Variants in MARCHF5 observed in about 807,000 individuals in gnomAD.
The protein encoded by MARCHF5 is membrane associated ring-CH-type finger 5, also known as E3 ubiquitin-protein ligase MARCHF5.
A neutral mutation model predicts 36.5 loss-of-function variants in MARCHF5; 5 were observed. The observed-to-expected ratio is 0.14, with a 90% CI of 0.07 to 0.29. The LOEUF (loss-of-function observed/expected upper bound fraction) is 0.29, where lower values mean the gene tolerates loss of function less well. Ranked by LOEUF, MARCHF5 falls within the 10% of genes least tolerant of loss-of-function variation. The pLI is 1.00. For synonymous variants in MARCHF5, 103 were observed against 109.9 expected (o/e 0.94, Z 0.39); for missense variants, 179 against 336.3 (o/e 0.53, Z 3.66).
rs576834214 is a variant in MARCHF5, at chr10:92,319,318, G to T, written c.238+7981G>T. 2.8e-5 allele frequency among the ~76,000 whole-genome samples: 4 copies of T among 143,934 alleles called. No homozygotes were observed. In the East Asian group the frequency reaches 8.1e-4, roughly 29 times the overall value. 94.4% of individuals were successfully genotyped at this position (143,934 alleles called of 152,430 possible). A position where few individuals can be genotyped will look rare whatever the true frequency, so the allele number is the denominator to read the frequency against. Reference sequence around the variant, plus strand: ...TTTACTTTTTTTTTTTTTTTGAGACGGAGTTTCGCTCTTGTCGCCCAGGCT... The same window carrying T: ...TTTACTTTTTTTTTTTTTTTGAGACTGAGTTTCGCTCTTGTCGCCCAGGCT... On this transcript the variant is annotated intron_variant, in intron 2 of 5. Transcript: ENST00000358935.
At chr10:92,327,332 A>G (rs1344994979) in intron 2 of MARCHF5, among the ~76,000 whole-genome samples, 1 of 146,606 alleles carries the variant, frequency 6.8e-6, no homozygotes, top group African/African-American at 2.6e-5. Flanking sequence ...TATTAAAAGT[A>G]GCCTGGATAA....
At chr10:92,300,309 G>C (rs1306036711) in intron 1 of MARCHF5, among the ~76,000 whole-genome samples, 5 of 151,610 alleles carry the variant, frequency 3.3e-5, no homozygotes. Flanking sequence ...GAGAAACCCT[G>C]TGTCTACTTA....
At chr10:92,331,150 G>A (rs534488389) in intron 2 of MARCHF5, among the ~76,000 whole-genome samples, 1 of 152,276 alleles carries the variant, frequency 6.6e-6, no homozygotes, top group African/African-American at 2.4e-5. Context: ...CATATATGTA[G>A]TATGTGCATA....
At chr10:92,316,975 A>T (rs1488246720) in intron 2 of MARCHF5, among the ~76,000 whole-genome samples, 1 of 152,174 alleles carries the variant, frequency 6.6e-6, no homozygotes, top group African/African-American at 2.4e-5. Context: ...TTGTTTTATA[A>T]ATAAAACCTG....
At position 92,338,000 on chromosome 10, in the gene MARCHF5, C is replaced by T. The variant is rs368010595; in HGVS notation, c.239-2673C>T. 3.4e-4 allele frequency among the ~76,000 whole-genome samples: 52 copies of T among 150,760 alleles called. No homozygotes were observed. In the East Asian group the frequency reaches 8.2e-3, roughly 24 times the overall value. The stretch of plus-strand genomic sequence containing the variant: ...ACCAGCCTGGGCAACACAGGGAGAC[C>T]CCATCTCTACAAAAAAAAAAAAAAA... On this transcript the variant is annotated intron_variant, in intron 2 of 5. Coordinates refer to ENST00000358935, the MANE Select transcript of MARCHF5 (RefSeq NM_017824.5).
intron 2 of MARCHF5, among the ~76,000 whole-genome samples, chr10:92,315,145 A>G (rs1018234992): frequency 2.6e-5 from 4 of 152,190 alleles, no homozygotes; most frequent in African/African-American, 9.7e-5. Context: ...TTCTTCTAAA[A>G]CTTTTAAAAA....
At chr10:92,341,698 C>G (rs182716885) in intron 3 of MARCHF5, among the ~76,000 whole-genome samples, 1 of 151,390 alleles carries the variant, frequency 6.6e-6, no homozygotes, top group Non-Finnish European at 1.5e-5. Context: ...AAACTTGTCA[C>G]TTCTTCCATT....
intron 1 of MARCHF5, among the ~76,000 whole-genome samples, chr10:92,296,094 C>T (rs531101209): frequency 1.4e-4 from 22 of 152,048 alleles, no homozygotes; most frequent in South Asian, 4.1e-4. Flanking sequence ...AGGCTGGTCT[C>T]GAGCTCCTGA....
At chr10:92,327,298 A>G (rs1389264772) in intron 2 of MARCHF5, among the ~76,000 whole-genome samples, 1 of 148,590 alleles carries the variant, frequency 6.7e-6, no homozygotes, top group Non-Finnish European at 1.5e-5. Context: ...TTGTATTCAT[A>G]TATGAAGAGC....
At chr10:92,305,242 C>T (rs1390434606) in intron 1 of MARCHF5, among the ~76,000 whole-genome samples, 2 of 151,950 alleles carry the variant, frequency 1.3e-5, no homozygotes, top group African/African-American at 4.8e-5. Context: ...CCCGTCTCTT[C>T]TGAAAATACA....
intron 2 of MARCHF5, among the ~76,000 whole-genome samples, chr10:92,327,644 T>A (rs910379845): frequency 6.6e-6 from 1 of 152,228 alleles, no homozygotes; most frequent in African/African-American, 2.4e-5. Context: ...TTGGAGTGCC[T>A]GCTTCCCCAT....
intron 2 of MARCHF5, among the ~76,000 whole-genome samples, chr10:92,335,279 G>A (rs755145350): frequency 1.3e-5 from 2 of 152,080 alleles, no homozygotes; most frequent in South Asian, 4.2e-4. Flanking sequence ...TACAACCCCT[G>A]GCCCCAAATC....
At chr10:92,296,206 G>A (rs550984355) in intron 1 of MARCHF5, among the ~76,000 whole-genome samples, 16 of 151,908 alleles carry the variant, frequency 1.1e-4, no homozygotes, top group Admixed American at 2.0e-4. Context: ...ATTGCCTTTC[G>A]TTTTTATAAA....
chr10:92,292,068 G>T (rs982553860), intron 1 of MARCHF5, among the ~76,000 whole-genome samples: 22 of 136,710 alleles, frequency 1.6e-4, no homozygotes, highest in Admixed American at 1.6e-3. Flanking sequence ...TAAGGTCAGA[G>T]TATCCGCAAG....
At chr10:92,333,291 G>C (rs1843462753) in intron 2 of MARCHF5, among the ~76,000 whole-genome samples, 1 of 151,136 alleles carries the variant, frequency 6.6e-6, no homozygotes, top group African/African-American at 2.4e-5. Context: ...TGGCCACAGA[G>C]TACTGTGGCT....
chr10:92,302,387 G>C (rs1843025846), intron 1 of MARCHF5, among the ~76,000 whole-genome samples: 1 of 151,808 alleles, frequency 6.6e-6, no homozygotes, highest in African/African-American at 2.4e-5. Context: ...ATTCTTGGGT[G>C]TGACACTTTT....
intron 1 of MARCHF5, among the ~76,000 whole-genome samples, chr10:92,295,412 TTA>T (rs1291664899): frequency 3.0e-4 from 42 of 139,610 alleles, no homozygotes; most frequent in South Asian, 9.3e-4. Flanking sequence ...TATTTATTTT[TTA>T]TTTTTTTTTT....
intron 1 of MARCHF5, among the ~76,000 whole-genome samples, chr10:92,305,231 C>G (rs1348207275): frequency 6.6e-6 from 1 of 151,974 alleles, no homozygotes; most frequent in African/African-American, 2.4e-5. Context: ...ACAAGTGAAA[C>G]CCCGTCTCTT....
chr10:92,353,284 G>C lies in MARCHF5; in HGVS notation c.*2077G>C, dbSNP rs1415623180. On this transcript the variant is annotated 3_prime_UTR_variant, in exon 6 of 6. Coordinates refer to ENST00000358935, the MANE Select transcript of MARCHF5 (RefSeq NM_017824.5). ...GTCTTCCCAGGAAGGTGACCTGCCTGACCATGAAGCAACAAAAGAGCATAG... is the reference window on the plus strand; with the variant it reads ...GTCTTCCCAGGAAGGTGACCTGCCTCACCATGAAGCAACAAAAGAGCATAG... 1 of 152,198 alleles carries C rather than the reference G, an allele frequency of 6.6e-6. No individual in the cohort carries two copies. Among genetic ancestry groups the C allele is most frequent in the African/African-American group, 2.4e-5 (1 of 41,444 alleles). 9.4% of individuals were successfully genotyped at this position (152,198 alleles called of 1,614,324 possible).
Sources: allele counts gnomAD v4.1 joint callset (sites outside exome capture counted in the v4.1 genomes callset), GRCh38; gene constraint gnomAD v4.1.1; transcripts MANE v1.5; gene names NCBI Gene and HGNC (gene_info 2026-07-23, HGNC 2026-07-21).